The following KBTBD12 variants were observed in gnomAD, a reference collection of about 807,000 sequenced individuals.
KBTBD12 encodes kelch repeat and BTB domain containing 12.
In KBTBD12, 53 loss-of-function variants were observed where a neutral mutation model predicts 58.7. The ratio of observed to expected loss-of-function variants is 0.90; its 90% confidence interval spans 0.72 to 1.14. The LOEUF is 1.14. Among genes scored for constraint, KBTBD12 ranks in the 50% most tolerant of loss-of-function variants. The pLI is 0.00. For synonymous variants in KBTBD12, 236 were observed against 259.8 expected (o/e 0.91, Z 0.88); for missense variants, 704 against 751.3 (o/e 0.94, Z 0.74).
At chr3:127,941,338 GTT>G (rs1370161113) in intron 4 of KBTBD12, among the ~76,000 whole-genome samples, 1 of 152,124 alleles carries the variant, frequency 6.6e-6, no homozygotes, top group Non-Finnish European at 1.5e-5. Context: ...TGCCAAACGT[GTT>G]TTTTCCTGAG....
At chr3:127,946,361 T>A (rs1940082486) in intron 4 of KBTBD12, among the ~76,000 whole-genome samples, 1 of 152,234 alleles carries the variant, frequency 6.6e-6, no homozygotes, top group Non-Finnish European at 1.5e-5. Flanking sequence ...CGTAAATGTC[T>A]TCATTTGTCT....
At chr3:127,942,475 C>T (rs1030475980) in intron 4 of KBTBD12, among the ~76,000 whole-genome samples, 4 of 151,856 alleles carry the variant, frequency 2.6e-5, no homozygotes, top group Admixed American at 6.6e-5. Flanking sequence ...CTAGTTTATC[C>T]ATGTTGTTAC....
chr3:127,972,334 C>A (rs1001656687), intron 5 of KBTBD12, among the ~76,000 whole-genome samples: 4 of 152,134 alleles, frequency 2.6e-5, no homozygotes, highest in African/African-American at 4.8e-5. Context: ...CCAGACAAAT[C>A]AAATCAGAAT....
chr3:127,929,418 A>T (rs1363726280), intron 3 of KBTBD12, among the ~76,000 whole-genome samples: 1 of 152,194 alleles, frequency 6.6e-6, no homozygotes, highest in Non-Finnish European at 1.5e-5. Flanking sequence ...CTTAGCTTGA[A>T]GTCATATTAA....
chr3:127,960,188 A>G (rs1246303712), intron 4 of KBTBD12, among the ~76,000 whole-genome samples: 1 of 152,162 alleles, frequency 6.6e-6, no homozygotes, highest in Admixed American at 6.5e-5. Flanking sequence ...GCTCCCTGCC[A>G]GGCTTTGTGT....
intron 5 of KBTBD12, among the ~76,000 whole-genome samples, chr3:127,983,211 A>G (rs1315803333): frequency 6.6e-6 from 1 of 152,248 alleles, no homozygotes; most frequent in Non-Finnish European, 1.5e-5. Flanking sequence ...AATCAGGAAC[A>G]CTGCCTTCCA....
intron 5 of KBTBD12, among the ~76,000 whole-genome samples, chr3:127,965,363 T>C (rs1940542477): frequency 6.6e-6 from 1 of 152,216 alleles, no homozygotes; most frequent in African/African-American, 2.4e-5. Context: ...TCAAAGTCCA[T>C]TTTAATTATT....
chr3:127,970,434 G>T (rs972017614), intron 5 of KBTBD12, among the ~76,000 whole-genome samples: 2 of 152,146 alleles, frequency 1.3e-5, no homozygotes, highest in African/African-American at 4.8e-5. Context: ...ATATATCCAA[G>T]AGAATTGAAA....
chr3:127,940,201 T>C (rs142555592), intron 4 of KBTBD12, among the ~76,000 whole-genome samples: 2 of 151,876 alleles, frequency 1.3e-5, no homozygotes, highest in African/African-American at 4.8e-5. Flanking sequence ...ATAGAACCAG[T>C]AGATAGAAAA....
chr3:127,965,789 CACAG>C (rs1247558184), intron 5 of KBTBD12, among the ~76,000 whole-genome samples: 3 of 152,038 alleles, frequency 2.0e-5, no homozygotes, highest in Admixed American at 6.6e-5. Context: ...GTCGAATAAA[CACAG>C]ACAAAGAGAA....
intron 5 of KBTBD12, among the ~76,000 whole-genome samples, chr3:127,972,573 G>A (rs1351822709): frequency 1.3e-5 from 2 of 152,208 alleles, no homozygotes; most frequent in Non-Finnish European, 1.5e-5. Context: ...GGAAGTTGCT[G>A]TATTGTTGGA....
At position 127,923,327 on chromosome 3, in the gene KBTBD12, T is replaced by A. The variant is rs746088557; in HGVS notation, c.266T>A (p.Met89Lys). The part of the protein sequence containing the change: ...AESVSVLLNY[M>K]YNAALEINNA... ...AGTGTGTCGGTGTTATTAAATTACA[T>A]GTACAATGCAGCTTTGGAGATCAAT... The change falls in exon 2 of 6, where the codon ATG (methionine) becomes AAG (lysine). Residue 89 changes from methionine (M) to lysine (K), a missense_variant. Coordinates refer to ENST00000405109, the MANE Select transcript of KBTBD12 (RefSeq NM_207335.4). 3 of 1,613,892 alleles carry A rather than the reference T, an allele frequency of 1.9e-6. No individual in the cohort carries two copies. Among genetic ancestry groups the A allele is most frequent in the Non-Finnish European group, 2.5e-6 (3 of 1,179,824 alleles).
intron 4 of KBTBD12, among the ~76,000 whole-genome samples, chr3:127,931,181 GC>G (rs921078806): frequency 1.5e-4 from 23 of 152,020 alleles, no homozygotes; most frequent in Non-Finnish European, 3.2e-4. Context: ...AGCAAACTAA[GC>G]ATTTAAATAG....
chr3:127,973,082 AATC>A (rs994883126), intron 5 of KBTBD12, among the ~76,000 whole-genome samples: 9 of 152,238 alleles, frequency 5.9e-5, no homozygotes, highest in African/African-American at 2.2e-4. Flanking sequence ...GTAATCAAAT[AATC>A]ATCATTAATA....
chr3:127,984,979 C>G lies in KBTBD12; in HGVS notation c.*701C>G, dbSNP rs1940940400. On this transcript the variant is annotated 3_prime_UTR_variant, in exon 6 of 6. Transcript: ENST00000405109. ...GCAGCAGGGCTAGCTGTACTACCAG[C>G]CCCTAACAACCAAGGCACTCAAGCC... is the stretch of plus-strand genomic sequence containing the variant. The G allele has an allele frequency of 6.6e-6, 1 of 152,532 alleles. No homozygotes were observed. Among genetic ancestry groups the G allele is most frequent in the Admixed American group, 6.5e-5 (1 of 15,288 alleles). 9.4% of individuals were successfully genotyped at this position (152,532 alleles called of 1,614,324 possible). A position where few individuals can be genotyped will look rare whatever the true frequency, so the allele number is the denominator to read the frequency against.
At chr3:127,927,251 C>T (rs1225422941) in intron 2 of KBTBD12, among the ~76,000 whole-genome samples, 1 of 152,102 alleles carries the variant, frequency 6.6e-6, no homozygotes, top group Non-Finnish European at 1.5e-5. Flanking sequence ...GTTGGAACTA[C>T]AACAGTTCTT....
chr3:127,924,096 C>T lies in KBTBD12; in HGVS notation c.1035C>T (p.Leu345=), dbSNP rs765056742. Residue 345 remains leucine (L), a synonymous_variant, in exon 2 of 6, where the codon CTC becomes CTT. Coordinates refer to ENST00000405109, the MANE Select transcript of KBTBD12 (RefSeq NM_207335.4). The part of the protein sequence containing the change: ...IVAGEASASK[L]SRQKNKNVEI... Reference sequence around the variant, plus strand: ...CTGGAGAAGCAAGTGCCTCTAAACTCTCTAGACAAAAGAACAAGAATGTTG... The same window carrying T: ...CTGGAGAAGCAAGTGCCTCTAAACTTTCTAGACAAAAGAACAAGAATGTTG... The T allele has an allele frequency of 1.3e-5, 21 of 1,611,830 alleles. No individual in the cohort carries two copies. The highest frequency in any genetic ancestry group is 8.0e-5 in the African/African-American group (6 of 74,810).
rs199545261 is a variant in KBTBD12 at position 127,923,963 on chromosome 3, A to T, written c.902A>T (p.Tyr301Phe). ...AGCTATGGGGATGCCAGTTTTTGTTATGATCCTGTATCACGGAAAACCTAT... is the reference window on the plus strand; with the variant it reads ...AGCTATGGGGATGCCAGTTTTTGTTTTGATCCTGTATCACGGAAAACCTAT... ...HRSYGDASFC[Y>F]DPVSRKTYFI... Residue 301 changes from tyrosine (Y) to phenylalanine (F), a missense_variant, in exon 2 of 6, where the codon TAT (tyrosine) becomes TTT (phenylalanine). Transcript: ENST00000405109. 110 of 1,613,902 alleles carry T rather than the reference A, an allele frequency of 6.8e-5. 1 individual carries two copies. The highest frequency in any genetic ancestry group is 6.8e-6 in the Non-Finnish European group (8 of 1,179,822).
In KBTBD12 at chr3:127,951,252, A is replaced by C. The variant is rs115608140; in HGVS notation, c.1493-11937A>C. On this transcript the variant is annotated intron_variant, in intron 4 of 5. Transcript: ENST00000405109. ...ACCACGAAAGCTGAATTTATTGATT[A>C]CTTAGTGTAGGAATGGTTATTTGGT... 1.5e-3 allele frequency among the ~76,000 whole-genome samples: 230 copies of C among 152,346 alleles called. 2 individuals carry two copies. The highest frequency in any genetic ancestry group is 5.2e-3 in the African/African-American group (216 of 41,588).
Sources: allele counts gnomAD v4.1 joint callset (sites outside exome capture counted in the v4.1 genomes callset), GRCh38; gene constraint gnomAD v4.1.1; transcripts MANE v1.5; gene names NCBI Gene and HGNC (gene_info 2026-07-23, HGNC 2026-07-21).